Variants in ARID2 observed in about 807,000 individuals in gnomAD.
ARID2 encodes AT-rich interactive domain-containing protein 2.
A neutral mutation model predicts 184.6 loss-of-function variants in ARID2; 32 were observed. The ratio of observed to expected loss-of-function variants is 0.17; its 90% CI spans 0.13 to 0.23. The LOEUF is 0.23. Among genes scored for constraint, ARID2 ranks in the 10% least tolerant of loss-of-function variants. ARID2 has a pLI of 1.00. For synonymous variants in ARID2, 836 were observed against 772.6 expected, an observed-to-expected ratio of 1.08 and a Z score of -1.36; for missense variants, 1,696 against 2,197.6, an observed-to-expected ratio of 0.77 and a Z score of 4.56.
intron 5 of ARID2, 48 bp downstream of exon 5, chr12:45,817,936 T>C (rs913884041): frequency 1.4e-6 from 2 of 1,432,740 alleles, no homozygotes; most frequent in Non-Finnish European, 1.9e-6. Context: ...TAAAAGTTTT[T>C]TTTTTAAGGT....
At chr12:45,780,881 A>G (rs1315184275) in intron 3 of ARID2, among the ~76,000 whole-genome samples, 4 of 152,136 alleles carry the variant, frequency 2.6e-5, no homozygotes, top group South Asian at 2.1e-4. Flanking sequence ...TAGCCTCCCA[A>G]AGTGCTGGGA....
rs73290779 is a variant in ARID2 at position 45,742,379 on chromosome 12, G to A, written c.284+11065G>A. ...GTATAGGTATGTAGCTTAGAGCAGC[G>A]GGCTATGCCTTATAGCCTAGGTATG... On this transcript the variant is annotated intron_variant, in intron 3 of 20. Coordinates refer to ENST00000334344, the MANE Select transcript of ARID2 (RefSeq NM_152641.4). 5.4e-3 allele frequency among the ~76,000 whole-genome samples: 816 copies of A among 152,146 alleles called. 6 individuals carry two copies. Among genetic ancestry groups the A allele is most frequent in the African/African-American group, 0.019 (773 of 41,482 alleles).
chr12:45,815,599 T>TCG, intron 4 of ARID2, among the ~76,000 whole-genome samples: 1 of 149,836 alleles, frequency 6.7e-6, no homozygotes, highest in African/African-American at 2.4e-5. Flanking sequence ...CTTAAAGAGA[T>TCG]TGTGTGTGTG....
At chr12:45,888,144 G>T (rs1944227462) in intron 16 of ARID2, among the ~76,000 whole-genome samples, 1 of 150,298 alleles carries the variant, frequency 6.7e-6, no homozygotes, top group African/African-American at 2.5e-5. Flanking sequence ...GCAGTGAGCC[G>T]AGATCGCGCC....
chr12:45,863,039 C>CA (rs1943775550), intron 16 of ARID2, among the ~76,000 whole-genome samples: 1 of 151,856 alleles, frequency 6.6e-6, no homozygotes, highest in African/African-American at 2.4e-5. Flanking sequence ...GGACACAGAC[C>CA]AAAAAACAAA....
intron 6 of ARID2, among the ~76,000 whole-genome samples, chr12:45,829,432 A>G (rs772075258): frequency 6.6e-6 from 1 of 152,062 alleles, no homozygotes; most frequent in Non-Finnish European, 1.5e-5. Context: ...CCCAGAAAGC[A>G]GATCTTTTAA....
intron 16 of ARID2, among the ~76,000 whole-genome samples, chr12:45,887,699 A>G (rs1431981122): frequency 6.6e-6 from 1 of 152,196 alleles, no homozygotes; most frequent in Non-Finnish European, 1.5e-5. Context: ...CACAGATTGA[A>G]TCCCAGCTTA....
At chr12:45,783,736 T>C (rs953169384) in intron 3 of ARID2, among the ~76,000 whole-genome samples, 1 of 152,204 alleles carries the variant, frequency 6.6e-6, no homozygotes, top group Non-Finnish European at 1.5e-5. Flanking sequence ...CCTCCTGCTG[T>C]GCAGCCCGGT....
chr12:45,758,815 G>A (rs1941619362), intron 3 of ARID2, among the ~76,000 whole-genome samples: 1 of 152,140 alleles, frequency 6.6e-6, no homozygotes, highest in Non-Finnish European at 1.5e-5. Context: ...CACCTTGAAA[G>A]TTGTATATGT....
chr12:45,744,562 C>A (rs1295212704), intron 3 of ARID2, among the ~76,000 whole-genome samples: 1 of 151,964 alleles, frequency 6.6e-6, no homozygotes, highest in Admixed American at 6.5e-5. Context: ...GGAAAATTAT[C>A]TTTCTTTTTC....
At chr12:45,872,174 T>C (rs1234106269) in intron 16 of ARID2, among the ~76,000 whole-genome samples, 1 of 152,122 alleles carries the variant, frequency 6.6e-6, no homozygotes, top group Non-Finnish European at 1.5e-5. Flanking sequence ...TTGGGTTTAA[T>C]GTGCTCTTCT....
At chr12:45,862,047 T>C (rs1384181517) in intron 16 of ARID2, among the ~76,000 whole-genome samples, 1 of 152,232 alleles carries the variant, frequency 6.6e-6, no homozygotes, top group African/African-American at 2.4e-5. Context: ...AGATTTTTTA[T>C]ATGATTATGG....
chr12:45,861,948 A>C (rs1400609173), intron 16 of ARID2, among the ~76,000 whole-genome samples: 2 of 152,204 alleles, frequency 1.3e-5, no homozygotes, highest in Non-Finnish European at 2.9e-5. Flanking sequence ...CATAATTAAT[A>C]GCAGAAATTA....
At chr12:45,893,839 A>G (rs972249682) in intron 20 of ARID2, 118 bp downstream of exon 20, 2 of 921,110 alleles carry the variant, frequency 2.2e-6, no homozygotes, top group African/African-American at 1.7e-5. Context: ...TTTTGCAAAT[A>G]CATCCAAAAG....
intron 3 of ARID2, among the ~76,000 whole-genome samples, chr12:45,771,328 A>C (rs1592066217): frequency 6.8e-6 from 1 of 146,998 alleles, no homozygotes; most frequent in Non-Finnish European, 1.5e-5. Flanking sequence ...ACTGCACTCC[A>C]CCTGGGCAAC....
At chr12:45,837,270 T>A (rs1267235000) in intron 8 of ARID2, 51 bp from the exon 9 acceptor site, 2 of 1,425,108 alleles carry the variant, frequency 1.4e-6, no homozygotes, top group South Asian at 2.6e-5. Context: ...ATTTGAAGTA[T>A]ACAACTCTGG....
intron 3 of ARID2, among the ~76,000 whole-genome samples, chr12:45,741,734 T>C (rs941564504): frequency 5.9e-5 from 9 of 152,204 alleles, no homozygotes. Flanking sequence ...GTATTTTGCC[T>C]ACCCAGCTCT....
At chr12:45,850,015 A>T (rs765313794) in intron 14 of ARID2, 21 bp from the exon 15 acceptor site, 4 of 1,561,726 alleles carry the variant, frequency 2.6e-6, no homozygotes, top group Non-Finnish European at 3.5e-6. Context: ...TGGAATTTTG[A>T]CGTTTTCTTC....
intron 20 of ARID2, 135 bp from the exon 21 acceptor site, chr12:45,904,799 C>A: frequency 3.8e-6 from 3 of 795,712 alleles, no homozygotes; most frequent in East Asian, 2.9e-5. Flanking sequence ...TCTCTTCCTG[C>A]AATACTATAT....
Sources: allele counts gnomAD v4.1 joint callset (sites outside exome capture counted in the v4.1 genomes callset), GRCh38; gene constraint gnomAD v4.1.1; transcripts MANE v1.5; gene names NCBI Gene and HGNC (gene_info 2026-07-23, HGNC 2026-07-21).